The following P2RY12 variants were observed in gnomAD, a reference collection of about 807,000 sequenced individuals.
The protein encoded by P2RY12 is purinergic receptor P2Y12.
A neutral mutation model predicts 4.5 loss-of-function variants in P2RY12; 3 were observed. That is an observed-to-expected ratio of 0.67 (90% CI 0.31 to 1.74). The LOEUF (loss-of-function observed/expected upper bound fraction) is 1.74. Among genes scored for constraint, P2RY12 ranks in the 40% most tolerant of loss-of-function variants. The pLI is 0.09. For synonymous variants in P2RY12, 148 were observed against 154.1 expected (o/e 0.96, Z 0.29); for missense variants, 356 against 407.8 (o/e 0.87, Z 1.09).
chr3:151,364,148 T>G (rs1030376127), intron 1 of P2RY12, among the ~76,000 whole-genome samples: 1 of 152,202 alleles, frequency 6.6e-6, no homozygotes, highest in African/African-American at 2.4e-5. Context: ...CTACAGAAGG[T>G]AAGCACAAAT....
At chr3:151,383,698 T>C (rs905057962) in intron 1 of P2RY12, 37 of 851,040 alleles carry the variant, frequency 4.3e-5, no homozygotes, top group Non-Finnish European at 6.4e-5. Flanking sequence ...TAAAAAACAA[T>C]CAAAATTTGA....
At chr3:151,376,220 T>A in intron 1 of P2RY12, 2 of 1,462,654 alleles carry the variant, frequency 1.4e-6, no homozygotes, top group Non-Finnish European at 1.8e-6. Context: ...TTCAGGTCAG[T>A]CGTATACAGA....
intron 1 of P2RY12, chr3:151,357,463 T>A: frequency 3.4e-6 from 4 of 1,171,918 alleles, no homozygotes; most frequent in Non-Finnish European, 4.7e-6. Context: ...AAAAGAAAAA[T>A]AGTACTGATA....
At chr3:151,369,199 T>C (rs2107983337) in intron 1 of P2RY12, among the ~76,000 whole-genome samples, 1 of 152,358 alleles carries the variant, frequency 6.6e-6, no homozygotes, top group Admixed American at 6.5e-5. Context: ...AAGGTCCTAC[T>C]AATCTTGTTG....
intron 1 of P2RY12, chr3:151,356,117 T>G: frequency 7.0e-7 from 1 of 1,429,176 alleles, no homozygotes; most frequent in South Asian, 1.4e-5. Context: ...GTGAGCCAAT[T>G]AGCTGGGCAC....
At chr3:151,357,643 G>A (rs896193830) in intron 1 of P2RY12, among the ~76,000 whole-genome samples, 2 of 152,134 alleles carry the variant, frequency 1.3e-5, no homozygotes, top group Admixed American at 6.6e-5. Context: ...GTCATTTATA[G>A]CACTCTACGG....
intron 1 of P2RY12, among the ~76,000 whole-genome samples, chr3:151,358,373 A>T (rs1264244889): frequency 2.0e-5 from 3 of 152,122 alleles, no homozygotes. Flanking sequence ...GGAAATTGAG[A>T]TTCAGGCCTG....
intron 1 of P2RY12, among the ~76,000 whole-genome samples, chr3:151,371,360 T>C (rs1356451003): frequency 1.3e-5 from 2 of 152,230 alleles, no homozygotes; most frequent in East Asian, 3.8e-4. Flanking sequence ...ATACTACATT[T>C]TGGTACTTGC....
At chr3:151,351,341 T>C (rs1228953053) in intron 1 of P2RY12, among the ~76,000 whole-genome samples, 1 of 152,214 alleles carries the variant, frequency 6.6e-6, no homozygotes, top group Non-Finnish European at 1.5e-5. Flanking sequence ...TCAGAGGTGA[T>C]AGTCCTCAGA....
chr3:151,339,122 G>A (rs1751448074), intron 2 of P2RY12, among the ~76,000 whole-genome samples: 1 of 152,030 alleles, frequency 6.6e-6, no homozygotes, highest in Admixed American at 6.6e-5. Flanking sequence ...TTGAATGTTT[G>A]CCTCTTAAAG....
chr3:151,341,447 T>G (rs999760685), intron 1 of P2RY12, among the ~76,000 whole-genome samples: 1 of 152,138 alleles, frequency 6.6e-6, no homozygotes, highest in African/African-American at 2.4e-5. Flanking sequence ...TGGGAAAATA[T>G]AACATTAAAT....
intron 1 of P2RY12, among the ~76,000 whole-genome samples, chr3:151,375,018 C>T (rs1226910796): frequency 6.6e-6 from 1 of 152,128 alleles, no homozygotes; most frequent in African/African-American, 2.4e-5. Context: ...TGTATTTTTA[C>T]AGGCATGTTA....
rs1175917645 is a variant in P2RY12 at position 151,368,689 on chromosome 3, T to TATTTCATTTC, written c.-180+15993_-180+16002dup. Among the ~76,000 whole-genome samples the TATTTCATTTC allele has an allele frequency of 1.1e-3, 45 of 41,996 alleles. 2 individuals carry two copies. The highest frequency in any genetic ancestry group is 3.7e-3 in the Admixed American group (14 of 3,818). 27.6% of individuals were successfully genotyped at this position (41,996 alleles called of 152,430 possible). A position where few individuals can be genotyped will look rare whatever the true frequency, so the allele number is the denominator to read the frequency against. On this transcript the variant is annotated intron_variant, in intron 1 of 2. Transcript: ENST00000302632. ...CATTTCATTTCATGTCATTTCATTT[T>TATTTCATTTC]ATTTCATTTCATTTCATTTCATTTC...
At chr3:151,373,939 C>T (rs889021342) in intron 1 of P2RY12, among the ~76,000 whole-genome samples, 2 of 152,110 alleles carry the variant, frequency 1.3e-5, no homozygotes, top group Admixed American at 6.6e-5. Context: ...ATTCTACGAC[C>T]TGTCTGCAGA....
chr3:151,382,786 T>G, intron 1 of P2RY12: 4 of 1,512,118 alleles, frequency 2.6e-6, no homozygotes, highest in Non-Finnish European at 3.6e-6. Context: ...TTAAACATAT[T>G]TACATGTGAA....
At chr3:151,359,481 C>A (rs902959500) in intron 1 of P2RY12, among the ~76,000 whole-genome samples, 23 of 152,040 alleles carry the variant, frequency 1.5e-4, no homozygotes, top group Non-Finnish European at 3.4e-4. Context: ...ACCTGTGATT[C>A]CATTGTCCTC....
At chr3:151,355,864 G>T in intron 1 of P2RY12, 1 of 1,555,756 alleles carries the variant, frequency 6.4e-7, no homozygotes, top group Non-Finnish European at 8.8e-7. Context: ...TAGAATATTG[G>T]TCTTACAATA....
chr3:151,369,688 G>A (rs1431940791), intron 1 of P2RY12: 1 of 547,192 alleles, frequency 1.8e-6, no homozygotes, highest in African/African-American at 1.9e-5. Flanking sequence ...AAAATTAGTG[G>A]TTTCTCCTAG....
intron 1 of P2RY12, among the ~76,000 whole-genome samples, chr3:151,371,772 T>C (rs1434085382): frequency 6.6e-6 from 1 of 152,198 alleles, no homozygotes; most frequent in African/African-American, 2.4e-5. Context: ...TGGCAATCCT[T>C]ATTTTGAATT....
Sources: allele counts gnomAD v4.1 joint callset (sites outside exome capture counted in the v4.1 genomes callset), GRCh38; gene constraint gnomAD v4.1.1; transcripts MANE v1.5; gene names NCBI Gene and HGNC (gene_info 2026-07-23, HGNC 2026-07-21).